The following ADGRB3 variants were observed in gnomAD, a reference collection of about 807,000 sequenced individuals.
ADGRB3 encodes adhesion G protein-coupled receptor B3, also known as brain-specific angiogenesis inhibitor 3.
A neutral mutation model predicts 193.4 loss-of-function variants in ADGRB3; 37 were observed. The observed-to-expected ratio is 0.19, with a 90% CI of 0.15 to 0.25. The LOEUF (loss-of-function observed/expected upper bound fraction) is 0.25. ADGRB3 is among the 10% of genes least tolerant of loss of function. The probability of loss-of-function intolerance (pLI) is 1.00; values close to 1 mark genes in which losing one functional copy is unlikely to be tolerated. For synonymous variants in ADGRB3, 690 were observed against 644.2 expected (o/e 1.07, Z -1.08); for missense variants, 1,637 against 1,852.9 (o/e 0.88, Z 2.14).
Position 69,162,361 on chromosome 6 carries a change from A to T in ADGRB3, c.2481-70929A>T, listed in dbSNP as rs186079240. 1.6e-4 allele frequency among the ~76,000 whole-genome samples: 25 copies of T among 152,268 alleles called. 1 individual carries two copies. In the South Asian group the frequency reaches 5.2e-3, roughly 32 times the overall value. On this transcript the variant is annotated intron_variant, in intron 17 of 31. Coordinates refer to ENST00000370598, the MANE Select transcript of ADGRB3 (RefSeq NM_001704.3). ...AATATTGGAAAGTAACTTAAGTTAT[A>T]TGAAAAAGAACTGTGTGGAGCTAAA...
At chr6:68,901,558 C>G (rs1766394336) in intron 3 of ADGRB3, among the ~76,000 whole-genome samples, 1 of 152,132 alleles carries the variant, frequency 6.6e-6, no homozygotes, top group Admixed American at 6.6e-5. Flanking sequence ...ATCTTAGACA[C>G]TGTTTATTTG....
At chr6:68,809,656 A>G (rs1286466781) in intron 3 of ADGRB3, among the ~76,000 whole-genome samples, 1 of 152,206 alleles carries the variant, frequency 6.6e-6, no homozygotes, top group Non-Finnish European at 1.5e-5. Flanking sequence ...CACAATCCCC[A>G]AGGTCAAGTA....
At chr6:68,855,239 C>T (rs1375350413) in intron 3 of ADGRB3, among the ~76,000 whole-genome samples, 2 of 152,126 alleles carry the variant, frequency 1.3e-5, no homozygotes, top group East Asian at 3.8e-4. Context: ...GTTTCCCAGG[C>T]CTTTTAAAGA....
intron 20 of ADGRB3, among the ~76,000 whole-genome samples, chr6:69,298,278 C>T (rs935173286): frequency 1.3e-5 from 2 of 152,104 alleles, no homozygotes; most frequent in South Asian, 4.2e-4. Context: ...GTCTTGCTAA[C>T]TGATAGACTC....
intron 17 of ADGRB3, among the ~76,000 whole-genome samples, chr6:69,102,091 T>C (rs1773074338): frequency 7.0e-6 from 1 of 142,628 alleles, no homozygotes; most frequent in Non-Finnish European, 1.5e-5. Context: ...GGCAGGAGAA[T>C]GGCGTGAACC....
At chr6:69,191,648 A>C (rs914772473) in intron 17 of ADGRB3, among the ~76,000 whole-genome samples, 1 of 152,180 alleles carries the variant, frequency 6.6e-6, no homozygotes, top group African/African-American at 2.4e-5. Context: ...AGAGAACTGC[A>C]TTTGAAATAC....
intron 3 of ADGRB3, among the ~76,000 whole-genome samples, chr6:68,694,486 G>A (rs1374564260): frequency 6.6e-6 from 1 of 151,882 alleles, no homozygotes; most frequent in East Asian, 1.9e-4. Flanking sequence ...GTGAGGTGGG[G>A]GGAGGTGTGT....
chr6:69,032,580 A>G lies in ADGRB3; in HGVS notation c.2107+14081A>G, dbSNP rs185469079. 2.6e-3 allele frequency among the ~76,000 whole-genome samples: 398 copies of G among 152,320 alleles called. 1 individual carries two copies. Among genetic ancestry groups the G allele is most frequent in the African/African-American group, 9.4e-3 (392 of 41,576 alleles). ...TATTGACTCCCTTTAACAAATTTTC[A>G]TTCTTTTTCTATTTCATTTCACCTT... On this transcript the variant is annotated intron_variant, in intron 13 of 31. Coordinates refer to ENST00000370598, the MANE Select transcript of ADGRB3 (RefSeq NM_001704.3).
intron 28 of ADGRB3, among the ~76,000 whole-genome samples, chr6:69,357,020 A>G (rs1210534980): frequency 6.6e-6 from 1 of 152,028 alleles, no homozygotes; most frequent in African/African-American, 2.4e-5. Context: ...ATATCCAACT[A>G]TCTTAAAGCA....
At chr6:68,868,663 G>T (rs185990779) in intron 3 of ADGRB3, among the ~76,000 whole-genome samples, 1 of 152,192 alleles carries the variant, frequency 6.6e-6, no homozygotes, top group East Asian at 1.9e-4. Context: ...GCTATTTATA[G>T]ATTTTATTTT....
intron 3 of ADGRB3, among the ~76,000 whole-genome samples, chr6:68,838,520 A>G (rs77558146): frequency 0.012 from 1,783 of 152,324 alleles, 16 homozygotes; most frequent in Non-Finnish European, 0.02. Context: ...TTTTTCAAAT[A>G]CTACAAATTC....
rs202159519 is a variant in ADGRB3 at position 69,054,756 on chromosome 6, CAACCTACAGTGA to C, written c.2333+5413_2333+5424del. 2.1e-3 allele frequency among the ~76,000 whole-genome samples: 319 copies of C among 152,264 alleles called. 9 individuals are homozygous for C. In the East Asian group the frequency reaches 0.051, roughly 24 times the overall value. On this transcript the variant is annotated intron_variant, in intron 15 of 31. Transcript: ENST00000370598. ...AAATTCTAGATTCTACATATCTTAG[CAACCTACAGTGA>C]AATTCTAACTCCTTTCAAGCTTTAA...
chr6:69,187,892 A>G (rs1561946450), intron 17 of ADGRB3, among the ~76,000 whole-genome samples: 1 of 152,196 alleles, frequency 6.6e-6, no homozygotes, highest in Non-Finnish European at 1.5e-5. Context: ...TAGTTCTAAA[A>G]TCAGCAAAGA....
intron 26 of ADGRB3, among the ~76,000 whole-genome samples, chr6:69,349,169 G>T (rs72915022): frequency 0.051 from 7,765 of 152,278 alleles, 286 homozygotes; most frequent in Non-Finnish European, 0.076. Flanking sequence ...GAAGGCATGG[G>T]ATCCTGGTGT....
At chr6:68,915,210 C>T (rs555924161) in intron 3 of ADGRB3, among the ~76,000 whole-genome samples, 8 of 152,218 alleles carry the variant, frequency 5.3e-5, no homozygotes, top group Admixed American at 1.3e-4. Flanking sequence ...ATATTAGCTA[C>T]GTAATGATGG....
At chr6:68,849,065 G>A (rs1399787098) in intron 3 of ADGRB3, among the ~76,000 whole-genome samples, 3 of 151,996 alleles carry the variant, frequency 2.0e-5, no homozygotes, top group African/African-American at 7.2e-5. Context: ...AGACTTGGAT[G>A]ATGGCTGAAA....
chr6:68,708,252 G>A (rs1765357583), intron 3 of ADGRB3, among the ~76,000 whole-genome samples: 1 of 152,070 alleles, frequency 6.6e-6, no homozygotes, highest in Admixed American at 6.5e-5. Flanking sequence ...TATAAAGAGA[G>A]ATATAACCCA....
rs182817506 is a variant in ADGRB3, at chr6:68,937,741, T to C, written c.1030+1061T>C. Among the ~76,000 whole-genome samples, 223 of 152,266 alleles carry C rather than the reference T, an allele frequency of 1.5e-3. 2 individuals are homozygous for C. Among genetic ancestry groups the C allele is most frequent in the African/African-American group, 5.3e-3 (219 of 41,546 alleles). ...AGTAAGAACAGGAATAATGTCAGTT[T>C]TCCAGCAGAATATGCAAAGGGGTCC... On this transcript the variant is annotated intron_variant, in intron 5 of 31. Transcript: ENST00000370598.
At chr6:68,764,905 AT>A (rs1039891205) in intron 3 of ADGRB3, among the ~76,000 whole-genome samples, 1 of 152,154 alleles carries the variant, frequency 6.6e-6, no homozygotes, top group Non-Finnish European at 1.5e-5. Context: ...AGTGTTTCAT[AT>A]TTTGGTAAAG....
Sources: allele counts gnomAD v4.1 joint callset (sites outside exome capture counted in the v4.1 genomes callset), GRCh38; gene constraint gnomAD v4.1.1; transcripts MANE v1.5; gene names NCBI Gene and HGNC (gene_info 2026-07-23, HGNC 2026-07-21).